Variants in ATP8A2 observed in about 807,000 individuals in gnomAD.
The protein encoded by ATP8A2 is phospholipid-transporting ATPase IB.
In ATP8A2, 100 loss-of-function variants were observed where a neutral mutation model predicts 165.6. The observed-to-expected ratio is 0.60, with a 90% CI of 0.51 to 0.71. The LOEUF (loss-of-function observed/expected upper bound fraction) is 0.71, where lower values mean the gene tolerates loss of function less well. ATP8A2 is among the 30% of genes least tolerant of loss of function. The pLI, the probability that ATP8A2 is intolerant of heterozygous loss-of-function variation, is 0.00. For synonymous variants in ATP8A2, 543 were observed against 548.8 expected (o/e 0.99, Z 0.15); for missense variants, 1,227 against 1,479.5 (o/e 0.83, Z 2.80).
chr13:25,806,916 C>G (rs1321923529), intron 27 of ATP8A2, among the ~76,000 whole-genome samples: 1 of 152,076 alleles, frequency 6.6e-6, no homozygotes, highest in African/African-American at 2.4e-5. Context: ...GTTTCCATTT[C>G]CATGATGAGT....
At chr13:25,751,503 C>T (rs1466986489) in intron 25 of ATP8A2, among the ~76,000 whole-genome samples, 2 of 152,046 alleles carry the variant, frequency 1.3e-5, no homozygotes, top group Admixed American at 6.5e-5. Context: ...CGAGCACAGT[C>T]ATGGCTCACT....
At position 25,708,913 on chromosome 13, in the gene ATP8A2, T is replaced by G. The variant is rs145739430; in HGVS notation, c.2384+9568T>G. 4.2e-3 allele frequency among the ~76,000 whole-genome samples: 636 copies of G among 152,176 alleles called. 4 individuals are homozygous for G. The highest frequency in any genetic ancestry group is 0.014 in the African/African-American group (583 of 41,510). ...TTTGGGAGCCTGTGCTTGGTTTGAG[T>G]TTTATGATTGGTGATGTCTGCGCCT... On this transcript the variant is annotated intron_variant, in intron 25 of 36. Coordinates refer to ENST00000381655, the MANE Select transcript of ATP8A2 (RefSeq NM_016529.6).
chr13:25,580,094 T>C lies in ATP8A2; in HGVS notation c.2007+147T>C, dbSNP rs115881917. On this transcript the variant is annotated intron_variant, in intron 22 of 36. Coordinates refer to ENST00000381655, the MANE Select transcript of ATP8A2 (RefSeq NM_016529.6). ...ACCGTTAGCTCTGAATCATTTTCTT[T>C]GCTTTAAGAAGCACTTAATTTTCAT... The C allele has an allele frequency of 1.2e-3, 1,194 of 990,474 alleles. 13 individuals are homozygous for C. The African/African-American group carries it at 0.017, about 15-fold the overall frequency. The allele number at this position is 990,474 out of a possible 1,614,324, so 61.4% of individuals were successfully genotyped here. A position where few individuals can be genotyped will look rare whatever the true frequency, so the allele number is the denominator to read the frequency against.
At chr13:26,010,922 A>G (rs74779686) in intron 35 of ATP8A2, among the ~76,000 whole-genome samples, 1,530 of 152,294 alleles carry the variant, frequency 0.01, 29 homozygotes, top group African/African-American at 0.036. Flanking sequence ...CTCTCCTGGA[A>G]ATTCAAAATG....
In ATP8A2 at chr13:25,468,745, C is replaced by T. The variant is rs938314561; in HGVS notation, c.77-232C>T. 3.6e-5 allele frequency: 29 copies of T among 796,010 alleles called. No individual in the cohort carries two copies. The African/African-American group carries it at 5.0e-4, about 14-fold the overall frequency. 49.3% of individuals were successfully genotyped at this position (796,010 alleles called of 1,614,324 possible). ...GGGGCGGGGCTCGCTCCACAAGCGC[C>T]AGGGGCCGCGCGGGGCGTGGGCGTG... is the stretch of plus-strand genomic sequence containing the variant. On this transcript the variant is annotated intron_variant, in intron 1 of 36. Transcript: ENST00000381655.
intron 25 of ATP8A2, among the ~76,000 whole-genome samples, chr13:25,732,521 A>G (rs776533681): frequency 2.0e-5 from 3 of 152,238 alleles, no homozygotes; most frequent in Non-Finnish European, 4.4e-5. Context: ...TATTCTTAAT[A>G]TGTAATTCAT....
intron 16 of ATP8A2, among the ~76,000 whole-genome samples, chr13:25,566,642 G>A (rs919660437): frequency 1.3e-5 from 2 of 152,202 alleles, no homozygotes; most frequent in Non-Finnish European, 2.9e-5. Flanking sequence ...AAGATGAGCA[G>A]CGTGTATGGA....
At chr13:25,586,103 A>G (rs2039913847) in intron 23 of ATP8A2, among the ~76,000 whole-genome samples, 1 of 152,228 alleles carries the variant, frequency 6.6e-6, no homozygotes, top group Non-Finnish European at 1.5e-5. Context: ...GGAGAATTTA[A>G]AAGGCATTAT....
rs1246793066 is a variant in ATP8A2 at position 25,699,093 on chromosome 13, G to A, written c.2212-80G>A. On this transcript the variant is annotated intron_variant, in intron 24 of 36. Coordinates refer to ENST00000381655, the MANE Select transcript of ATP8A2 (RefSeq NM_016529.6). The stretch of plus-strand genomic sequence containing the variant: ...TAGAATGGGTGTGTTCTCATTTCAA[G>A]AAACTTAATTTTGAATTCTATTTTG... The A allele has an allele frequency of 1.1e-4, 130 of 1,183,420 alleles. 1 individual carries two copies. The East Asian group carries it at 3.0e-3, about 27-fold the overall frequency. 73.3% of individuals were successfully genotyped at this position (1,183,420 alleles called of 1,614,324 possible).
intron 1 of ATP8A2, among the ~76,000 whole-genome samples, chr13:25,447,816 C>T (rs1035416700): frequency 6.6e-6 from 1 of 152,088 alleles, no homozygotes; most frequent in South Asian, 2.1e-4. Flanking sequence ...GTGGAAGTGG[C>T]TTTCAGTGGG....
At chr13:25,896,229 T>C (rs1953542945) in intron 33 of ATP8A2, among the ~76,000 whole-genome samples, 1 of 152,262 alleles carries the variant, frequency 6.6e-6, no homozygotes, top group Non-Finnish European at 1.5e-5. Context: ...TCTGGTATGC[T>C]CTGTCTTTGT....
rs1555245499 is a variant in ATP8A2 at position 25,674,265 on chromosome 13, T to TCTCCC, written c.2212-24907_2212-24906insTCCCC. ...GAACTCCTATGAGGGTCCAGATGTG[T>TCTCCC]CCCCCCCCGAAAACTAAATCTATAA... On this transcript the variant is annotated intron_variant, in intron 24 of 36. Coordinates refer to ENST00000381655, the MANE Select transcript of ATP8A2 (RefSeq NM_016529.6). Among the ~76,000 whole-genome samples the TCTCCC allele has an allele frequency of 4.9e-3, 745 of 151,252 alleles. 3 individuals are homozygous for TCTCCC. Among genetic ancestry groups the TCTCCC allele is most frequent in the African/African-American group, 0.017 (687 of 41,084 alleles).
At chr13:25,645,604 TA>T (rs1374029976) in intron 24 of ATP8A2, among the ~76,000 whole-genome samples, 1 of 152,196 alleles carries the variant, frequency 6.6e-6, no homozygotes, top group East Asian at 1.9e-4. Context: ...TGAGCTTTGG[TA>T]TGTTGTGTTT....
intron 33 of ATP8A2, among the ~76,000 whole-genome samples, chr13:25,875,631 G>A (rs1952801808): frequency 6.6e-6 from 1 of 151,042 alleles, no homozygotes; most frequent in Non-Finnish European, 1.5e-5. Flanking sequence ...TGTGCAAAAA[G>A]TCAGTACCAC....
At chr13:25,396,206 G>A (rs1346134231) in intron 1 of ATP8A2, among the ~76,000 whole-genome samples, 3 of 152,128 alleles carry the variant, frequency 2.0e-5, no homozygotes, top group Non-Finnish European at 4.4e-5. Flanking sequence ...GATTCTTCTC[G>A]TTCTCTTGGA....
intron 6 of ATP8A2, among the ~76,000 whole-genome samples, chr13:25,536,075 TTA>T: frequency 6.6e-6 from 1 of 152,298 alleles, no homozygotes; most frequent in South Asian, 2.1e-4. Context: ...CTTCTGATTT[TTA>T]TATGTAATTA....
chr13:25,835,749 T>TG (rs1236348669), intron 28 of ATP8A2, among the ~76,000 whole-genome samples: 1 of 152,178 alleles, frequency 6.6e-6, no homozygotes, highest in Admixed American at 6.5e-5. Context: ...TCACAAGTCT[T>TG]GCAAGGCACC....
intron 35 of ATP8A2, among the ~76,000 whole-genome samples, chr13:26,009,563 C>A (rs1398934706): frequency 6.6e-6 from 1 of 152,188 alleles, no homozygotes; most frequent in Non-Finnish European, 1.5e-5. Context: ...GGGGATGGAG[C>A]TCAGGATGGA....
At chr13:25,855,484 C>G (rs912111732) in intron 30 of ATP8A2, among the ~76,000 whole-genome samples, 3 of 152,072 alleles carry the variant, frequency 2.0e-5, no homozygotes, top group African/African-American at 7.2e-5. Context: ...TAATGGTGTT[C>G]TATCATATTG....
Sources: gnomAD v4.1 joint callset for allele counts (sites outside exome capture counted in the v4.1 genomes callset) on GRCh38, gnomAD v4.1.1 for gene constraint, MANE v1.5 for transcripts, NCBI Gene and HGNC (gene_info 2026-07-23, HGNC 2026-07-21) for gene names.